Variants in ASXL3 observed in about 807,000 individuals in gnomAD.
ASXL3 encodes putative Polycomb group protein ASXL3.
ASXL3 carries 34 observed loss-of-function variants against 170.6 expected under a neutral mutation model. The ratio of observed to expected loss-of-function variants is 0.20; its 90% CI spans 0.15 to 0.27. The LOEUF (loss-of-function observed/expected upper bound fraction) is 0.27, where lower values mean the gene tolerates loss of function less well. Ranked by LOEUF, ASXL3 falls within the 10% of genes least tolerant of loss-of-function variation. The pLI is 1.00. For synonymous variants in ASXL3, 1,002 were observed against 989.1 expected (o/e 1.01, Z -0.24); for missense variants, 2,592 against 2,695.3 (o/e 0.96, Z 0.85).
chr18:33,706,912 A>T (rs771603117), intron 8 of ASXL3, among the ~76,000 whole-genome samples: 2 of 151,860 alleles, frequency 1.3e-5, no homozygotes, highest in Non-Finnish European at 3.0e-5. Context: ...TTAGATTTAT[A>T]TCTACAAACC....
chr18:33,653,644 G>T (rs2066035816), intron 4 of ASXL3, among the ~76,000 whole-genome samples: 1 of 151,946 alleles, frequency 6.6e-6, no homozygotes, highest in South Asian at 2.1e-4. Context: ...GAAGTGTGAG[G>T]AATTTCAAAA....
At chr18:33,690,460 T>TG in intron 8 of ASXL3, 1 of 152,182 alleles carries the variant, frequency 6.6e-6, no homozygotes, top group Non-Finnish European at 1.5e-5. Flanking sequence ...TTCTCTGTCT[T>TG]GGAGACAAGG....
At chr18:33,646,740 A>G (rs534162244) in intron 4 of ASXL3, among the ~76,000 whole-genome samples, 5 of 151,766 alleles carry the variant, frequency 3.3e-5, no homozygotes, top group African/African-American at 1.2e-4. Flanking sequence ...TAGTTTTATA[A>G]CAGCTTTGTT....
chr18:33,701,800 T>A (rs1190269933), intron 8 of ASXL3, among the ~76,000 whole-genome samples: 3 of 152,124 alleles, frequency 2.0e-5, no homozygotes, highest in African/African-American at 4.8e-5. Context: ...ACATTTTTTT[T>A]ATTATTTTCT....
rs1276896721 is a variant in ASXL3, at chr18:33,609,002, A to G, written c.137+1326A>G. On this transcript the variant is annotated intron_variant, in intron 2 of 11. Coordinates refer to ENST00000269197, the MANE Select transcript of ASXL3 (RefSeq NM_030632.3). The stretch of plus-strand genomic sequence containing the variant: ...TTTTTTTTGCCTACGCTGGAGAAAT[A>G]GCCTAAGATAATATAACCACGCTGT... The G allele has an allele frequency of 3.0e-6, 3 of 983,918 alleles. No homozygotes were observed. In the African/African-American group the frequency reaches 5.3e-5, roughly 17 times the overall value. 60.9% of individuals were successfully genotyped at this position (983,918 alleles called of 1,614,324 possible).
chr18:33,620,661 A>G (rs2065497552), intron 2 of ASXL3, among the ~76,000 whole-genome samples: 1 of 152,164 alleles, frequency 6.6e-6, no homozygotes, highest in African/African-American at 2.4e-5. Context: ...CCAAAGTTTT[A>G]TAAGTTACTT....
rs1306176892 is a variant in ASXL3 at position 33,750,557 on chromosome 18, T to G, written c.*3962T>G. On this transcript the variant is annotated 3_prime_UTR_variant, in exon 12 of 12. Transcript: ENST00000269197. ...GTAGTTTTTTTTTTTTAATGTGTGTTCGTTTGTACAATTTTTTTTTTTTGG... is the reference window on the plus strand; with the variant it reads ...GTAGTTTTTTTTTTTTAATGTGTGTGCGTTTGTACAATTTTTTTTTTTTGG... 1.6e-5 allele frequency: 2 copies of G among 124,512 alleles called. No individual in the cohort carries two copies. Among genetic ancestry groups the G allele is most frequent in the East Asian group, 3.2e-4 (1 of 3,130 alleles). 7.7% of individuals were successfully genotyped at this position (124,512 alleles called of 1,614,324 possible).
At chr18:33,701,060 A>T (rs914938926) in intron 8 of ASXL3, among the ~76,000 whole-genome samples, 147 of 151,644 alleles carry the variant, frequency 9.7e-4, no homozygotes, top group Middle Eastern at 3.4e-3. Flanking sequence ...TTTTTTTTTT[A>T]AAAGTTATTA....
chr18:33,623,279 G>T (rs1463245895), intron 2 of ASXL3, among the ~76,000 whole-genome samples: 8 of 152,130 alleles, frequency 5.3e-5, no homozygotes, highest in Admixed American at 5.2e-4. Flanking sequence ...TAATAGGACT[G>T]CAGTTTGCTT....
intron 9 of ASXL3, among the ~76,000 whole-genome samples, chr18:33,733,056 A>G (rs2067478733): frequency 1.3e-5 from 2 of 152,104 alleles, no homozygotes; most frequent in Admixed American, 1.3e-4. Flanking sequence ...CTCAGCTTTC[A>G]TCAGGATCTC....
intron 7 of ASXL3, among the ~76,000 whole-genome samples, chr18:33,678,241 G>T (rs1380345674): frequency 6.6e-6 from 1 of 152,054 alleles, no homozygotes; most frequent in African/African-American, 2.4e-5. Context: ...CTGTTTTTCA[G>T]AATCATTCCT....
chr18:33,660,565 G>A (rs1301964050), intron 4 of ASXL3, among the ~76,000 whole-genome samples: 2 of 152,022 alleles, frequency 1.3e-5, no homozygotes, highest in African/African-American at 4.8e-5. Context: ...ATTAACCCTG[G>A]TGCCCTTAAA....
intron 1 of ASXL3, among the ~76,000 whole-genome samples, chr18:33,593,071 G>A (rs1486841051): frequency 6.6e-6 from 1 of 152,040 alleles, no homozygotes; most frequent in Non-Finnish European, 1.5e-5. Flanking sequence ...TTCCAAGATT[G>A]TTGAAAAGAT....
chr18:33,720,543 A>C (rs2067242188), intron 8 of ASXL3, among the ~76,000 whole-genome samples: 1 of 152,114 alleles, frequency 6.6e-6, no homozygotes, highest in African/African-American at 2.4e-5. Flanking sequence ...TTGTCTTTTA[A>C]AACATACACA....
intron 8 of ASXL3, among the ~76,000 whole-genome samples, chr18:33,722,955 G>A (rs942413591): frequency 6.6e-6 from 1 of 152,104 alleles, no homozygotes; most frequent in African/African-American, 2.4e-5. Flanking sequence ...CTCTGTAAAT[G>A]GAACAGTAAA....
intron 7 of ASXL3, among the ~76,000 whole-genome samples, chr18:33,678,333 T>C (rs1227205650): frequency 1.3e-5 from 2 of 152,190 alleles, no homozygotes; most frequent in East Asian, 3.9e-4. Flanking sequence ...CTGGTCTGCC[T>C]TTTGTGTTTG....
chr18:33,586,351 C>T (rs1171790610), intron 1 of ASXL3, among the ~76,000 whole-genome samples: 1 of 151,974 alleles, frequency 6.6e-6, no homozygotes, highest in Non-Finnish European at 1.5e-5. Context: ...CCCAAATGTG[C>T]ACACAACAAA....
In ASXL3 at chr18:33,746,208, A is replaced by G. The variant is rs779649730; in HGVS notation, c.6360A>G (p.Ala2120=). The change falls in exon 12 of 12, where the codon GCA becomes GCG. Residue 2120 remains alanine (A), a synonymous_variant. Coordinates refer to ENST00000269197, the MANE Select transcript of ASXL3 (RefSeq NM_030632.3). ...TAAAAGCATTCGCGCTAAAAAGTGC[A>G]GATTTCTCTTCCTATTTGCTTTCTG... is the stretch of plus-strand genomic sequence containing the variant. ...EQLKAFALKS[A]DFSSYLLSEP... 1.9e-6 allele frequency: 3 copies of G among 1,613,984 alleles called. No homozygotes were observed. The highest frequency in any genetic ancestry group is 1.1e-5 in the South Asian group (1 of 91,084).
intron 1 of ASXL3, among the ~76,000 whole-genome samples, chr18:33,606,236 C>T (rs1433507719): frequency 1.3e-5 from 2 of 152,002 alleles, no homozygotes; most frequent in Non-Finnish European, 2.9e-5. Flanking sequence ...ACAGTGTCCT[C>T]TTCTGCAAGG....
Sources: gnomAD v4.1 joint callset for allele counts (sites outside exome capture counted in the v4.1 genomes callset) on GRCh38, gnomAD v4.1.1 for gene constraint, MANE v1.5 for transcripts, NCBI Gene and HGNC (gene_info 2026-07-23, HGNC 2026-07-21) for gene names.